ADA: variants seen among roughly 807,000 people sequenced by gnomAD.
ADA encodes the protein adenosine deaminase.
Under a neutral mutation model 49.0 loss-of-function variants are expected in ADA, and 45 were observed. That is an observed-to-expected ratio of 0.92 (90% CI 0.72 to 1.18). ADA has a LOEUF of 1.18. Ranked by LOEUF, ADA falls within the 50% of genes most tolerant of loss-of-function variation. The probability of loss-of-function intolerance (pLI) is 0.00; values close to 1 mark genes in which losing one functional copy is unlikely to be tolerated. For missense variants in ADA, 445 were observed against 472.5 expected, an observed-to-expected ratio of 0.94 and a Z score of 0.54; for synonymous variants, 173 against 184.2, an observed-to-expected ratio of 0.94 and a Z score of 0.49.
chr20:44,643,729 T>G (rs1384493279), intron 1 of ADA, among the ~76,000 whole-genome samples: 2 of 152,176 alleles, frequency 1.3e-5, no homozygotes, highest in African/African-American at 4.8e-5. Context: ...CCCTTCCCAC[T>G]GCCTTTGCTC....
intron 2 of ADA, among the ~76,000 whole-genome samples, chr20:44,634,546 A>G (rs759591695): frequency 3.9e-5 from 6 of 152,230 alleles, no homozygotes; most frequent in Non-Finnish European, 8.8e-5. Flanking sequence ...AATGACGGCA[A>G]TAGAGTTCCT....
At chr20:44,620,617 A>G (rs1056305728) in intron 10 of ADA, 4 of 620,544 alleles carry the variant, frequency 6.4e-6, no homozygotes, top group Non-Finnish European at 1.2e-5. Flanking sequence ...GTGAGAAGGA[A>G]GTTGGAGAAA....
chr20:44,643,351 C>CT (rs1158587958), intron 1 of ADA, among the ~76,000 whole-genome samples: 1 of 152,228 alleles, frequency 6.6e-6, no homozygotes, highest in Admixed American at 6.5e-5. Flanking sequence ...GAACCCTAGT[C>CT]TGATTCTTGA....
chr20:44,623,144 C>T, intron 6 of ADA, 66 bp from the exon 7 acceptor site: 1 of 1,607,672 alleles, frequency 6.2e-7, no homozygotes. Context: ...CTGCCTTGAC[C>T]ATGCTGTGGA....
In ADA at chr20:44,619,720, A is replaced by G; in HGVS notation, c.*114T>C. The G allele has an allele frequency of 7.2e-7, 1 of 1,381,332 alleles. No homozygotes were observed. Among genetic ancestry groups the G allele is most frequent in the Non-Finnish European group, 1.0e-6 (1 of 970,462 alleles). 85.6% of individuals were successfully genotyped at this position (1,381,332 alleles called of 1,614,324 possible). A position where few individuals can be genotyped will look rare whatever the true frequency, so the allele number is the denominator to read the frequency against. Reference sequence around the variant, plus strand: ...TGGACACATAGGGTTCAGGAGCATCAGTAACTGACTATTGAGATCATGGTC... The same window carrying G: ...TGGACACATAGGGTTCAGGAGCATCGGTAACTGACTATTGAGATCATGGTC... On this transcript the variant is annotated 3_prime_UTR_variant, in exon 12 of 12. Coordinates refer to ENST00000372874, the MANE Select transcript of ADA (RefSeq NM_000022.4).
At chr20:44,651,038 G>A (rs375929282) in intron 1 of ADA, among the ~76,000 whole-genome samples, 1 of 152,208 alleles carries the variant, frequency 6.6e-6, no homozygotes, top group Middle Eastern at 3.2e-3. Context: ...CTTCCCGCGC[G>A]GGGGAAGGGG....
At chr20:44,648,107 T>C (rs1041871379) in intron 1 of ADA, among the ~76,000 whole-genome samples, 1 of 152,124 alleles carries the variant, frequency 6.6e-6, no homozygotes, top group East Asian at 1.9e-4. Flanking sequence ...GCTATTGTTA[T>C]GATTATTGTA....
chr20:44,633,360 C>A (rs562899224), intron 2 of ADA, among the ~76,000 whole-genome samples: 1 of 152,320 alleles, frequency 6.6e-6, no homozygotes, highest in African/African-American at 2.4e-5. Context: ...GCTGTGTGAC[C>A]TTGGGCAAGT....
Position 44,651,564 on chromosome 20 carries a change from C to T in ADA, c.33+11G>A, listed in dbSNP as rs1199119883. The T allele has an allele frequency of 2.6e-6, 4 of 1,536,394 alleles. No homozygotes were observed. Among genetic ancestry groups the T allele is most frequent in the Non-Finnish European group, 3.5e-6 (4 of 1,147,974 alleles). ...CGGACCCCCGTCCCCGGAGCCCCCG[C>T]GCGCGCTCACTTTGGGCTTGTCGAA... On this transcript the variant is annotated intron_variant, in intron 1 of 11. Transcript: ENST00000372874.
At chr20:44,636,107 C>A (rs2065477493) in intron 2 of ADA, 120 bp downstream of exon 2, 1 of 986,776 alleles carries the variant, frequency 1.0e-6, no homozygotes, top group Admixed American at 2.0e-5. Flanking sequence ...CTGGAGCTGG[C>A]TTGATTCCCA....
intron 1 of ADA, among the ~76,000 whole-genome samples, chr20:44,639,423 G>GT (rs978980834): frequency 2.0e-5 from 3 of 151,518 alleles, no homozygotes; most frequent in Admixed American, 6.6e-5. Context: ...TTTGTTTTTT[G>GT]TTTTTTTAAG....
intron 3 of ADA, 84 bp from the exon 4 acceptor site, chr20:44,626,683 G>A (rs2034203679): frequency 6.4e-7 from 1 of 1,569,972 alleles, no homozygotes; most frequent in Admixed American, 1.7e-5. Flanking sequence ...CCAACCCTTG[G>A]CAGATTAAAC....
At chr20:44,642,551 T>C (rs1371418177) in intron 1 of ADA, among the ~76,000 whole-genome samples, 2 of 152,034 alleles carry the variant, frequency 1.3e-5, no homozygotes, top group African/African-American at 4.8e-5. Context: ...GGCGGGGAGT[T>C]GGCCAGAGTG....
intron 2 of ADA, among the ~76,000 whole-genome samples, chr20:44,633,189 G>C (rs1202548439): frequency 6.6e-6 from 1 of 152,196 alleles, no homozygotes; most frequent in Admixed American, 6.5e-5. Flanking sequence ...ATCCCAGGCA[G>C]GAGCGCTCCC....
intron 1 of ADA, among the ~76,000 whole-genome samples, chr20:44,637,873 C>T (rs1028311128): frequency 5.9e-5 from 9 of 152,194 alleles, no homozygotes; most frequent in African/African-American, 2.2e-4. Context: ...AGTTCAGTTC[C>T]CACCCAGCCA....
In ADA at chr20:44,621,022, C is replaced by G. The variant is rs754097992; in HGVS notation, c.971G>C (p.Arg324Thr). The G allele has an allele frequency of 6.2e-7, 1 of 1,613,942 alleles. No individual in the cohort carries two copies. The highest frequency in any genetic ancestry group is 1.3e-5 in the African/African-American group (1 of 74,906). Residue 324 changes from arginine (R) to threonine (T), a missense_variant, in exon 10 of 12, where the codon AGG (arginine) becomes ACG (threonine). Arg to Thr is a moderately conservative substitution (Grantham distance 71). Coordinates refer to ENST00000372874, the MANE Select transcript of ADA (RefSeq NM_000022.4). ...GTATGGCTCACACCCACTCACCAGC[C>G]TTTTAAACTCCTCTTCAGTAAAGCC... ...DMGFTEEEFK[R>T]LNINAAKSSF... is the part of the protein sequence containing the mutation.
intron 1 of ADA, among the ~76,000 whole-genome samples, chr20:44,640,515 A>G (rs2065522091): frequency 1.3e-5 from 2 of 151,918 alleles, no homozygotes; most frequent in African/African-American, 4.8e-5. Flanking sequence ...TAAAAATACA[A>G]AAGTTAGCTG....
chr20:44,642,357 T>C (rs1266506858), intron 1 of ADA, among the ~76,000 whole-genome samples: 1 of 152,124 alleles, frequency 6.6e-6, no homozygotes, highest in Admixed American at 6.5e-5. Context: ...CCTTGCAAAC[T>C]GTGATAAGAA....
chr20:44,641,772 G>T (rs1156568963), intron 1 of ADA, among the ~76,000 whole-genome samples: 26 of 143,430 alleles, frequency 1.8e-4, no homozygotes, highest in South Asian at 6.6e-4. Context: ...TGTTGTTGTT[G>T]TTTTTTTTTT....
Sources: gnomAD v4.1 joint callset for allele counts (sites outside exome capture counted in the v4.1 genomes callset) on GRCh38, gnomAD v4.1.1 for gene constraint, MANE v1.5 for transcripts, NCBI Gene and HGNC (gene_info 2026-07-23, HGNC 2026-07-21) for gene names.